BMP6: variants seen among roughly 807,000 people sequenced by gnomAD.
BMP6 encodes the protein VG-1-R.
In BMP6, 17 loss-of-function variants were observed where a neutral mutation model predicts 54.1. That is an observed-to-expected ratio of 0.31 (90% CI 0.22 to 0.47). The LOEUF (loss-of-function observed/expected upper bound fraction) is 0.47. Among genes scored for constraint, BMP6 ranks in the 20% least tolerant of loss-of-function variants. The pLI is 1.00. For synonymous variants in BMP6, 328 were observed against 291.2 expected (o/e 1.13, Z -1.28); for missense variants, 720 against 690.4 (o/e 1.04, Z -0.48).
chr6:7,857,889 G>A (rs1475362409), intron 2 of BMP6, among the ~76,000 whole-genome samples: 4 of 152,114 alleles, frequency 2.6e-5, no homozygotes, highest in African/African-American at 4.8e-5. Flanking sequence ...CCTCTCCCTC[G>A]TGGTGTGAAC....
intron 1 of BMP6, among the ~76,000 whole-genome samples, chr6:7,727,929 C>CTT (rs71542879): frequency 1.3e-5 from 2 of 151,482 alleles, no homozygotes; most frequent in Admixed American, 6.5e-5. Context: ...ACGTTCCGCG[C>CTT]TTTTTTTCAC....
chr6:7,839,298 G>A (rs925775455), intron 1 of BMP6, among the ~76,000 whole-genome samples: 4 of 152,202 alleles, frequency 2.6e-5, no homozygotes, highest in African/African-American at 4.8e-5. Context: ...CCAAGGGGCC[G>A]GGACTACAGG....
chr6:7,853,608 T>G (rs1759178267), intron 2 of BMP6, among the ~76,000 whole-genome samples: 1 of 152,206 alleles, frequency 6.6e-6, no homozygotes, highest in Non-Finnish European at 1.5e-5. Flanking sequence ...TATTATAGTT[T>G]GGGCAGAAGA....
chr6:7,777,850 C>A (rs572424375), intron 1 of BMP6, among the ~76,000 whole-genome samples: 1 of 152,132 alleles, frequency 6.6e-6, no homozygotes, highest in South Asian at 2.1e-4. Context: ...GTGGGACTCT[C>A]CCAAGCGACA....
At position 7,826,660 on chromosome 6, in the gene BMP6, C is replaced by T. The variant is rs144907269; in HGVS notation, c.665-18480C>T. Among the ~76,000 whole-genome samples, 423 of 152,252 alleles carry T rather than the reference C, an allele frequency of 2.8e-3. 1 individual carries two copies. The Middle Eastern group carries it at 0.031, about 11-fold the overall frequency. On this transcript the variant is annotated intron_variant, in intron 1 of 6. Coordinates refer to ENST00000283147, the MANE Select transcript of BMP6 (RefSeq NM_001718.6). ...AATCACCTGTGACTTAACCTCATTCCGACTTTTCTTTTGACTACTTATTGC... is the reference window on the plus strand; with the variant it reads ...AATCACCTGTGACTTAACCTCATTCTGACTTTTCTTTTGACTACTTATTGC...
chr6:7,789,678 G>A (rs952084358), intron 1 of BMP6, among the ~76,000 whole-genome samples: 2 of 152,034 alleles, frequency 1.3e-5, no homozygotes, highest in South Asian at 2.1e-4. Context: ...GTGTCTTGAC[G>A]GCTTCCTTTC....
chr6:7,832,653 G>A (rs755078259), intron 1 of BMP6, among the ~76,000 whole-genome samples: 6 of 151,300 alleles, frequency 4.0e-5, no homozygotes, highest in Non-Finnish European at 8.8e-5. Context: ...CTTACGAAGA[G>A]TTTGTTTGTT....
Position 7,729,946 on chromosome 6 carries a change from T to C in BMP6, c.664+2327T>C, listed in dbSNP as rs901754755. Among the ~76,000 whole-genome samples, 7 of 152,060 alleles carry C rather than the reference T, an allele frequency of 4.6e-5. 1 individual carries two copies. The South Asian group carries it at 1.2e-3, about 27-fold the overall frequency. ...ACTCAAAACTCCTGGCCTCAAGCAA[T>C]CCCCCTGCCTCAGCCTCCTGAGTTG... is the stretch of plus-strand genomic sequence containing the variant. On this transcript the variant is annotated intron_variant, in intron 1 of 6. Transcript: ENST00000283147.
intron 1 of BMP6, among the ~76,000 whole-genome samples, chr6:7,823,738 G>A (rs1758650453): frequency 6.6e-6 from 1 of 152,200 alleles, no homozygotes; most frequent in African/African-American, 2.4e-5. Flanking sequence ...GAAATAGCAT[G>A]TGCAAAGGTC....
intron 1 of BMP6, among the ~76,000 whole-genome samples, chr6:7,765,623 T>G (rs1270574232): frequency 9.2e-5 from 14 of 152,244 alleles, no homozygotes; most frequent in Non-Finnish European, 2.9e-5. Context: ...CTTGACGCTC[T>G]TTTAGCACAT....
chr6:7,832,599 G>C (rs1314523391), intron 1 of BMP6, among the ~76,000 whole-genome samples: 3 of 151,982 alleles, frequency 2.0e-5, no homozygotes, highest in Admixed American at 1.3e-4. Flanking sequence ...TAGGTGGTTA[G>C]AGGAGCAGCA....
chr6:7,773,218 A>G (rs1449387718), intron 1 of BMP6, among the ~76,000 whole-genome samples: 1 of 151,960 alleles, frequency 6.6e-6, no homozygotes, highest in Non-Finnish European at 1.5e-5. Flanking sequence ...CCCCAGTGTG[A>G]CCCTCCCTCT....
At chr6:7,809,816 C>A (rs1194109614) in intron 1 of BMP6, among the ~76,000 whole-genome samples, 5 of 152,152 alleles carry the variant, frequency 3.3e-5, no homozygotes, top group Non-Finnish European at 7.3e-5. Context: ...TACAAAGTAG[C>A]CTCATCGGTT....
chr6:7,879,747 T>C (rs1172009196), intron 5 of BMP6, among the ~76,000 whole-genome samples: 1 of 152,166 alleles, frequency 6.6e-6, no homozygotes, highest in Non-Finnish European at 1.5e-5. Context: ...ACCTACGTGC[T>C]TCCAGGTAGC....
At chr6:7,863,127 T>C (rs1046675649) in intron 4 of BMP6, among the ~76,000 whole-genome samples, 9 of 152,096 alleles carry the variant, frequency 5.9e-5, no homozygotes, top group African/African-American at 1.9e-4. Flanking sequence ...GCCTCCCGAG[T>C]AGCTGGGACT....
chr6:7,790,304 C>T (rs1054992726), intron 1 of BMP6, among the ~76,000 whole-genome samples: 5 of 151,808 alleles, frequency 3.3e-5, no homozygotes, highest in African/African-American at 9.7e-5. Flanking sequence ...CTCTTTAGTC[C>T]GGGAGTTTGA....
intron 1 of BMP6, among the ~76,000 whole-genome samples, chr6:7,729,502 T>C (rs1363863641): frequency 1.3e-5 from 2 of 152,182 alleles, no homozygotes; most frequent in East Asian, 3.9e-4. Context: ...GTTCTCAGCA[T>C]TAGCTGCCCT....
intron 1 of BMP6, among the ~76,000 whole-genome samples, chr6:7,767,818 GA>G (rs1383483177): frequency 6.6e-6 from 1 of 152,152 alleles, no homozygotes; most frequent in Admixed American, 6.5e-5. Context: ...TTTTTGTTGA[GA>G]GCTGGACATG....
intron 4 of BMP6, among the ~76,000 whole-genome samples, chr6:7,871,867 C>T (rs72829218): frequency 0.08 from 12,128 of 152,192 alleles, 645 homozygotes; most frequent in East Asian, 0.12. Context: ...CAGCCAGGGG[C>T]CTGATCTCAG....
Sources: allele counts gnomAD v4.1 joint callset (sites outside exome capture counted in the v4.1 genomes callset), GRCh38; gene constraint gnomAD v4.1.1; transcripts MANE v1.5; gene names NCBI Gene and HGNC (gene_info 2026-07-23, HGNC 2026-07-21).